CAMK2D: variants seen among roughly 807,000 people sequenced by gnomAD.
CAMK2D encodes calcium/calmodulin-dependent protein kinase type II subunit delta.
Under a neutral mutation model 84.0 loss-of-function variants are expected in CAMK2D, and 37 were observed. The ratio of observed to expected loss-of-function variants is 0.44; its 90% CI spans 0.34 to 0.58. CAMK2D has a LOEUF of 0.58. Among genes scored for constraint, CAMK2D ranks in the 20% least tolerant of loss-of-function variants. The probability of loss-of-function intolerance (pLI) is 0.02; values close to 1 mark genes in which losing one functional copy is unlikely to be tolerated. For synonymous variants in CAMK2D, 202 were observed against 212.5 expected (o/e 0.95, Z 0.43); for missense variants, 448 against 652.5 (o/e 0.69, Z 3.41).
chr4:113,480,066 A>G (rs1209566198), intron 16 of CAMK2D, among the ~76,000 whole-genome samples: 1 of 152,044 alleles, frequency 6.6e-6, no homozygotes, highest in Non-Finnish European at 1.5e-5. Context: ...GGTTCCAGCA[A>G]TTCTCCTGCC....
chr4:113,506,922 T>G (rs2098135686), intron 13 of CAMK2D, among the ~76,000 whole-genome samples: 1 of 150,258 alleles, frequency 6.7e-6, no homozygotes, highest in Non-Finnish European at 1.5e-5. Flanking sequence ...CCTACACACA[T>G]TCACACACAG....
At chr4:113,531,157 AC>A (rs1480756130) in intron 8 of CAMK2D, 58 bp downstream of exon 8, 34 of 842,568 alleles carry the variant, frequency 4.0e-5, no homozygotes, top group Non-Finnish European at 6.1e-5. Flanking sequence ...GTTATAGCAG[AC>A]CAAATGGACT....
intron 3 of CAMK2D, among the ~76,000 whole-genome samples, chr4:113,657,430 C>A (rs1472915518): frequency 2.0e-5 from 3 of 152,016 alleles, no homozygotes; most frequent in Non-Finnish European, 4.4e-5. Context: ...TGGCTACACA[C>A]TCAAGAAATT....
At chr4:113,578,343 T>C (rs1308221595) in intron 4 of CAMK2D, among the ~76,000 whole-genome samples, 1 of 152,186 alleles carries the variant, frequency 6.6e-6, no homozygotes, top group African/African-American at 2.4e-5. Flanking sequence ...TATTTGGTTA[T>C]TTGTGAGAAT....
chr4:113,654,686 CA>C (rs745624267), intron 3 of CAMK2D, among the ~76,000 whole-genome samples: 132 of 152,050 alleles, frequency 8.7e-4, no homozygotes, highest in Non-Finnish European at 1.4e-3. Flanking sequence ...AAGCAATCAA[CA>C]ATTTAGGTCT....
intron 2 of CAMK2D, among the ~76,000 whole-genome samples, chr4:113,663,590 A>AAATAATAATAAT (rs10525797): frequency 0.041 from 5,940 of 145,928 alleles, 355 homozygotes; most frequent in African/African-American, 0.14. Flanking sequence ...CTCTGTCTAA[A>AAATAATAATAAT]AATAATAATA....
At chr4:113,511,453 C>G (rs1297506253) in intron 12 of CAMK2D, among the ~76,000 whole-genome samples, 1 of 152,070 alleles carries the variant, frequency 6.6e-6, no homozygotes, top group South Asian at 2.1e-4. Context: ...TTAATAAAGG[C>G]CCAATTTATG....
chr4:113,756,733 A>G (rs2099629415), intron 2 of CAMK2D, among the ~76,000 whole-genome samples: 1 of 152,078 alleles, frequency 6.6e-6, no homozygotes. Flanking sequence ...ACCACATTTG[A>G]TTCTTGTTAC....
At chr4:113,586,035 T>G (rs1485965693) in intron 4 of CAMK2D, among the ~76,000 whole-genome samples, 1 of 152,130 alleles carries the variant, frequency 6.6e-6, no homozygotes, top group East Asian at 1.9e-4. Flanking sequence ...ACCTATGCGG[T>G]TTTTTAATTT....
intron 3 of CAMK2D, among the ~76,000 whole-genome samples, chr4:113,631,476 A>G (rs2099089423): frequency 6.6e-6 from 1 of 152,204 alleles, no homozygotes; most frequent in Non-Finnish European, 1.5e-5. Flanking sequence ...TATTCAATGA[A>G]CATTCGCCCT....
chr4:113,721,818 G>T (rs1168231137), intron 2 of CAMK2D, among the ~76,000 whole-genome samples: 1 of 152,098 alleles, frequency 6.6e-6, no homozygotes, highest in Non-Finnish European at 1.5e-5. Context: ...GCCCTAAGAC[G>T]ATATAAAGAC....
At chr4:113,626,831 A>T (rs981142117) in intron 3 of CAMK2D, among the ~76,000 whole-genome samples, 3 of 152,096 alleles carry the variant, frequency 2.0e-5, no homozygotes, top group Admixed American at 1.3e-4. Flanking sequence ...ACAATGTTTT[A>T]AAAAAAACTC....
intron 2 of CAMK2D, among the ~76,000 whole-genome samples, chr4:113,676,998 G>GA (rs1307209786): frequency 2.0e-5 from 3 of 152,106 alleles, no homozygotes; most frequent in South Asian, 2.1e-4. Flanking sequence ...GGCCTAGCCA[G>GA]AAAAAACCCT....
chr4:113,576,845 T>C (rs191576307), intron 4 of CAMK2D, among the ~76,000 whole-genome samples: 14 of 152,260 alleles, frequency 9.2e-5, no homozygotes, highest in African/African-American at 3.4e-4. Context: ...AGCATTCTCA[T>C]GCACCCTTCT....
At chr4:113,685,594 G>A (rs7670019) in intron 2 of CAMK2D, among the ~76,000 whole-genome samples, 27,375 of 151,916 alleles carry the variant, frequency 0.18, 2,932 homozygotes, top group South Asian at 0.32. Context: ...AATAAATTAG[G>A]TGTATAAATT....
chr4:113,568,722 C>T (rs1210241717), intron 4 of CAMK2D, among the ~76,000 whole-genome samples: 6 of 152,122 alleles, frequency 3.9e-5, no homozygotes, highest in African/African-American at 1.2e-4. Flanking sequence ...TTCTCTATAT[C>T]CTGGCCAACA....
At chr4:113,517,705 G>A (rs1264995414) in intron 8 of CAMK2D, 48 bp from the exon 9 acceptor site, 2 of 864,428 alleles carry the variant, frequency 2.3e-6, no homozygotes, top group Non-Finnish European at 3.9e-6. Flanking sequence ...ATAGACAACA[G>A]TAAATTAAAT....
At chr4:113,489,626 G>A (rs2097802964) in intron 16 of CAMK2D, among the ~76,000 whole-genome samples, 1 of 149,252 alleles carries the variant, frequency 6.7e-6, no homozygotes, top group Non-Finnish European at 1.5e-5. Context: ...CTTTATAGCA[G>A]CATGATTTAT....
intron 2 of CAMK2D, among the ~76,000 whole-genome samples, chr4:113,697,484 A>T (rs1331445689): frequency 6.6e-6 from 1 of 152,160 alleles, no homozygotes; most frequent in African/African-American, 2.4e-5. Context: ...TCTGAGGTAC[A>T]CAATAAATAT....
Sources: allele counts gnomAD v4.1 joint callset (sites outside exome capture counted in the v4.1 genomes callset), GRCh38; gene constraint gnomAD v4.1.1; transcripts MANE v1.5; gene names NCBI Gene and HGNC (gene_info 2026-07-23, HGNC 2026-07-21).